Variants in SLC2A9 observed in about 807,000 individuals in gnomAD.
SLC2A9 encodes solute carrier family 2 member 9, also known as solute carrier family 2, facilitated glucose transporter member 9.
SLC2A9 carries 39 observed loss-of-function variants against 50.6 expected under a neutral mutation model. The ratio of observed to expected loss-of-function variants is 0.77; its 90% CI spans 0.60 to 1.01. The LOEUF is 1.01. Among genes scored for constraint, SLC2A9 ranks in the 50% least tolerant of loss-of-function variants. SLC2A9 has a pLI of 0.00. For synonymous variants in SLC2A9, 324 were observed against 276.9 expected, an observed-to-expected ratio of 1.17 and a Z score of -1.69; for missense variants, 686 against 677.6, an observed-to-expected ratio of 1.01 and a Z score of -0.14.
At chr4:9,774,058 G>A (rs528301790) in intron 1 of SLC2A9, among the ~76,000 whole-genome samples, 2 of 147,990 alleles carry the variant, frequency 1.4e-5, no homozygotes, top group South Asian at 2.2e-4. Context: ...GCAGTGGTGC[G>A]ATCTCGCCTC....
chr4:9,937,126 A>G (rs1747232985), intron 6 of SLC2A9, among the ~76,000 whole-genome samples: 1 of 152,214 alleles, frequency 6.6e-6, no homozygotes, highest in Non-Finnish European at 1.5e-5. Context: ...CATAGAAAAC[A>G]TCCTCTGCTT....
At chr4:9,777,351 G>A (rs1373698249), downstream of SLC2A9, among the ~76,000 whole-genome samples, 4 of 150,812 alleles carry the variant, frequency 2.7e-5, no homozygotes, top group Admixed American at 6.6e-5. Flanking sequence ...CTGGAGTGCA[G>A]TGGTGTGATC....
intron 1 of SLC2A9, among the ~76,000 whole-genome samples, chr4:10,033,558 A>G (rs1764003443): frequency 6.6e-6 from 1 of 152,212 alleles, no homozygotes. Context: ...TCCTCTGAGC[A>G]TCTGGCCCGC....
At chr4:9,926,867 T>G (rs1045119812) in intron 6 of SLC2A9, among the ~76,000 whole-genome samples, 1 of 152,004 alleles carries the variant, frequency 6.6e-6, no homozygotes, top group Non-Finnish European at 1.5e-5. Context: ...AAGGCAAGCT[T>G]GTGTTCACGG....
downstream of SLC2A9, among the ~76,000 whole-genome samples, chr4:9,794,138 C>G (rs934362333): frequency 2.6e-5 from 4 of 151,540 alleles, no homozygotes; most frequent in Non-Finnish European, 4.4e-5. Context: ...GCAGAGCGAT[C>G]TCATTAATTC....
At chr4:10,019,826 G>T (rs1461708332) in intron 1 of SLC2A9, among the ~76,000 whole-genome samples, 2 of 152,270 alleles carry the variant, frequency 1.3e-5, no homozygotes, top group African/African-American at 2.4e-5. Context: ...CTGCCTTGGT[G>T]TTGTCCTGCC....
intron 10 of SLC2A9, chr4:9,879,151 T>C (rs748806908): frequency 2.0e-5 from 20 of 983,550 alleles, no homozygotes; most frequent in Middle Eastern, 5.2e-4. Context: ...ACCATGGCCA[T>C]TGTAATGGGG....
chr4:9,855,609 A>G (rs755808679), intron 10 of SLC2A9, among the ~76,000 whole-genome samples: 19 of 152,190 alleles, frequency 1.2e-4, no homozygotes, highest in Non-Finnish European at 2.6e-4. Context: ...GAATTAGAAA[A>G]AACTATTATA....
intron 6 of SLC2A9, among the ~76,000 whole-genome samples, chr4:9,925,983 G>C (rs572706938): frequency 7.2e-5 from 11 of 152,152 alleles, no homozygotes; most frequent in Admixed American, 5.9e-4. Context: ...GATGCATCTG[G>C]GGGTGGCCCA....
intron 3 of SLC2A9, among the ~76,000 whole-genome samples, chr4:9,987,100 C>A (rs1002943661): frequency 2.6e-5 from 4 of 152,144 alleles, no homozygotes; most frequent in Admixed American, 2.0e-4. Flanking sequence ...AGGTTGCTGG[C>A]AAGCTAGAAA....
chr4:9,912,816 T>A (rs562130336), intron 7 of SLC2A9, among the ~76,000 whole-genome samples: 1 of 152,198 alleles, frequency 6.6e-6, no homozygotes, highest in Non-Finnish European at 1.5e-5. Flanking sequence ...TTTGCAGATA[T>A]GTTAAGTTCA....
chr4:9,938,980 C>G (rs1001998288), intron 6 of SLC2A9, among the ~76,000 whole-genome samples: 29 of 152,120 alleles, frequency 1.9e-4, no homozygotes, highest in African/African-American at 6.8e-4. Flanking sequence ...GTGTTGATGG[C>G]CCAAGTTCGT....
chr4:9,884,674 T>C (rs1200798064), intron 10 of SLC2A9, among the ~76,000 whole-genome samples: 1 of 152,144 alleles, frequency 6.6e-6, no homozygotes, highest in African/African-American at 2.4e-5. Context: ...ACTTAGTATA[T>C]ACCCAAAGGA....
chr4:9,913,909 C>G (rs565703366), intron 7 of SLC2A9, among the ~76,000 whole-genome samples: 1 of 152,254 alleles, frequency 6.6e-6, no homozygotes, highest in African/African-American at 2.4e-5. Context: ...CTGTCTCCCC[C>G]TCTCTAACCT....
chr4:9,833,891 A>C (rs1726598246), intron 11 of SLC2A9, among the ~76,000 whole-genome samples: 1 of 152,166 alleles, frequency 6.6e-6, no homozygotes, highest in Admixed American at 6.5e-5. Context: ...GCATTTGAGC[A>C]GGGAAGCTTC....
At chr4:9,810,177 GT>G (rs2108986493) in intron 3 of SLC2A9, among the ~76,000 whole-genome samples, 1 of 152,132 alleles carries the variant, frequency 6.6e-6, no homozygotes, top group Non-Finnish European at 1.5e-5. Flanking sequence ...GGCATTTTCT[GT>G]CTTCTTTACC....
intron 3 of SLC2A9, chr4:9,781,644 T>C: frequency 5.6e-6 from 1 of 177,718 alleles, no homozygotes; most frequent in Non-Finnish European, 1.2e-5. Context: ...AGTGCCAGCC[T>C]GGCGCCCGCG....
chr4:10,026,069 G>A (rs1250109052), upstream of SLC2A9: 2 of 1,241,340 alleles, frequency 1.6e-6, no homozygotes, highest in Non-Finnish European at 2.4e-6. Flanking sequence ...CAAGTCAGGG[G>A]AGGTGGCCTG....
At chr4:9,771,730 G>T (rs73221597) in intron 1 of SLC2A9, among the ~76,000 whole-genome samples, 2 of 152,334 alleles carry the variant, frequency 1.3e-5, no homozygotes, top group African/African-American at 4.8e-5. Context: ...CAGGTGCAGC[G>T]TGCTGCAGAA....
Sources: gnomAD v4.1 joint callset for allele counts (sites outside exome capture counted in the v4.1 genomes callset) on GRCh38, gnomAD v4.1.1 for gene constraint, MANE v1.5 for transcripts, NCBI Gene and HGNC (gene_info 2026-07-23, HGNC 2026-07-21) for gene names.